The following MAGI1 variants were observed in gnomAD, a reference collection of about 807,000 sequenced individuals.
The protein encoded by MAGI1 is membrane-associated guanylate kinase, WW and PDZ domain-containing protein 1.
MAGI1 carries 58 observed loss-of-function variants against 139.9 expected under a neutral mutation model. The observed-to-expected ratio is 0.41, with a 90% confidence interval of 0.34 to 0.52. The LOEUF (loss-of-function observed/expected upper bound fraction) is 0.52, where lower values mean the gene tolerates loss of function less well. MAGI1 is among the 20% of genes least tolerant of loss of function. The pLI is 0.12. For missense variants in MAGI1, 1,874 were observed against 1,901.6 expected, an observed-to-expected ratio of 0.99 and a Z score of 0.27; for synonymous variants, 812 against 737.9, an observed-to-expected ratio of 1.10 and a Z score of -1.63.
intron 1 of MAGI1, among the ~76,000 whole-genome samples, chr3:65,735,355 A>AGGTGTGTGTGTGTG (rs2034624968): frequency 1.4e-5 from 1 of 72,298 alleles, no homozygotes; most frequent in African/African-American, 6.5e-5. Context: ...GTGTGTCTGC[A>AGGTGTGTGTGTGTG]CGTGTGTGTG....
intron 1 of MAGI1, among the ~76,000 whole-genome samples, chr3:65,850,260 C>A (rs973516094): frequency 1.3e-5 from 2 of 152,122 alleles, no homozygotes; most frequent in African/African-American, 2.4e-5. Flanking sequence ...TTGCAGTATA[C>A]AAACTAGAAT....
intron 1 of MAGI1, among the ~76,000 whole-genome samples, chr3:65,953,791 C>G (rs2063979329): frequency 6.6e-6 from 1 of 152,144 alleles, no homozygotes. Context: ...ATGCCAACCA[C>G]TGAAAGAGAG....
At chr3:65,730,912 T>G (rs915888690) in intron 1 of MAGI1, among the ~76,000 whole-genome samples, 6 of 82,724 alleles carry the variant, frequency 7.3e-5, no homozygotes, top group African/African-American at 2.5e-4. Context: ...GGGTTTTTGT[T>G]TTTTTTTTTC....
intron 1 of MAGI1, among the ~76,000 whole-genome samples, chr3:66,002,519 C>CT (rs1371874210): frequency 6.6e-6 from 1 of 151,890 alleles, no homozygotes; most frequent in East Asian, 1.9e-4. Flanking sequence ...TTTTTCTTTT[C>CT]TTTTTTTGTT....
intron 1 of MAGI1, among the ~76,000 whole-genome samples, chr3:65,755,239 C>T (rs981378455): frequency 5.3e-5 from 8 of 152,112 alleles, no homozygotes; most frequent in African/African-American, 1.4e-4. Flanking sequence ...TGAGCCACCG[C>T]GCTCGGCCAC....
intron 17 of MAGI1, 65 bp downstream of exon 17, chr3:65,379,196 C>T (rs1368423276): frequency 1.2e-6 from 2 of 1,602,674 alleles, no homozygotes; most frequent in Non-Finnish European, 8.5e-7. Flanking sequence ...AGCTTTCACT[C>T]GCAAGAGAAC....
At chr3:66,036,591 G>A (rs2068933392) in intron 1 of MAGI1, among the ~76,000 whole-genome samples, 1 of 152,176 alleles carries the variant, frequency 6.6e-6, no homozygotes, top group Non-Finnish European at 1.5e-5. Context: ...GCTTTCCATA[G>A]CTAAGTGTCA....
At chr3:65,493,345 C>T (rs1456967724) in intron 3 of MAGI1, among the ~76,000 whole-genome samples, 167 bp downstream of exon 3, 1 of 152,176 alleles carries the variant, frequency 6.6e-6, no homozygotes, top group Non-Finnish European at 1.5e-5. Flanking sequence ...CTCCACAAAG[C>T]CTTATTCCAT....
chr3:65,679,008 C>A (rs2087387850), intron 1 of MAGI1, among the ~76,000 whole-genome samples: 1 of 152,062 alleles, frequency 6.6e-6, no homozygotes, highest in Non-Finnish European at 1.5e-5. Context: ...TTTTTACTTC[C>A]GTGTTCCACT....
chr3:65,991,362 C>T (rs1487545164), intron 1 of MAGI1, among the ~76,000 whole-genome samples: 5 of 142,524 alleles, frequency 3.5e-5, no homozygotes, highest in Non-Finnish European at 7.7e-5. Flanking sequence ...TATGGCAAAA[C>T]TCATGAAGCT....
chr3:65,714,097 C>T lies in MAGI1; in HGVS notation c.314-92009G>A, dbSNP rs1290848437. Among the ~76,000 whole-genome samples, 3 of 152,168 alleles carry T rather than the reference C, an allele frequency of 2.0e-5. No homozygotes were observed. In the East Asian group the frequency reaches 5.8e-4, roughly 29 times the overall value. The stretch of plus-strand genomic sequence containing the variant: ...TATCTGTAAAACAGGCATGCCACCG[C>T]ACTGGGTTGACGTAAGGGTTAAAAT... On this transcript the variant is annotated intron_variant, in intron 1 of 22. Transcript: ENST00000402939.
intron 1 of MAGI1, among the ~76,000 whole-genome samples, chr3:65,860,797 A>G (rs1032120226): frequency 6.6e-6 from 1 of 152,178 alleles, no homozygotes; most frequent in African/African-American, 2.4e-5. Context: ...TCCTTCAGAG[A>G]TTTCAGCCAG....
intron 2 of MAGI1, among the ~76,000 whole-genome samples, chr3:65,574,445 TAA>T (rs56669559): frequency 2.9e-4 from 32 of 108,486 alleles, no homozygotes; most frequent in Non-Finnish European, 3.4e-4. Flanking sequence ...GCATAGAAAC[TAA>T]AAAAAAAAAA....
chr3:65,384,085 G>C (rs1943260373), intron 14 of MAGI1, among the ~76,000 whole-genome samples: 1 of 152,188 alleles, frequency 6.6e-6, no homozygotes, highest in African/African-American at 2.4e-5. Context: ...CTCTACTAGA[G>C]GATGAAAGAG....
chr3:65,543,929 T>C (rs1461885978), intron 2 of MAGI1, among the ~76,000 whole-genome samples: 1 of 152,060 alleles, frequency 6.6e-6, no homozygotes, highest in Non-Finnish European at 1.5e-5. Context: ...AAGATGTTTA[T>C]CACAGCTATT....
At position 65,905,490 on chromosome 3, in the gene MAGI1, T is replaced by TA. The variant is rs34695349; in HGVS notation, c.313+132505dup. On this transcript the variant is annotated intron_variant, in intron 1 of 22. Coordinates refer to ENST00000402939, the MANE Select transcript of MAGI1 (RefSeq NM_001033057.2). Reference sequence around the variant, plus strand: ...TGGGTGACAGAGTAAGACCTTGCCTTAAAAAAAAAAAAAAATTCTTTTTCT... The same window carrying TA: ...TGGGTGACAGAGTAAGACCTTGCCTTAAAAAAAAAAAAAAAATTCTTTTTCT... Among the ~76,000 whole-genome samples the TA allele has an allele frequency of 6.3e-3, 895 of 142,034 alleles. 4 individuals carry two copies. The highest frequency in any genetic ancestry group is 0.013 in the South Asian group (56 of 4,392). 93.2% of individuals were successfully genotyped at this position (142,034 alleles called of 152,430 possible).
At chr3:65,477,454 A>G (rs1950956446) in intron 4 of MAGI1, among the ~76,000 whole-genome samples, 1 of 152,166 alleles carries the variant, frequency 6.6e-6, no homozygotes, top group Non-Finnish European at 1.5e-5. Flanking sequence ...ATAATCTCAT[A>G]TGTTGAAAAC....
At chr3:65,853,169 GA>G (rs71102885) in intron 1 of MAGI1, among the ~76,000 whole-genome samples, 4,537 of 140,230 alleles carry the variant, frequency 0.032, 71 homozygotes, top group African/African-American at 0.041. Flanking sequence ...TCCGTCTCAA[GA>G]AAAAAAAAAA....
At chr3:65,477,718 T>TTA (rs59750140) in intron 4 of MAGI1, among the ~76,000 whole-genome samples, 1 of 144,990 alleles carries the variant, frequency 6.9e-6, no homozygotes, top group African/African-American at 2.5e-5. Flanking sequence ...ATTATTTTTT[T>TTA]TTTTTTATTT....
Sources: gnomAD v4.1 joint callset for allele counts (sites outside exome capture counted in the v4.1 genomes callset) on GRCh38, gnomAD v4.1.1 for gene constraint, MANE v1.5 for transcripts, NCBI Gene and HGNC (gene_info 2026-07-23, HGNC 2026-07-21) for gene names.